PREPL: variants seen among roughly 807,000 people sequenced by gnomAD.
PREPL encodes the protein prolyl endopeptidase-like.
Under a neutral mutation model 70.6 loss-of-function variants are expected in PREPL, and 77 were observed. The ratio of observed to expected loss-of-function variants is 1.09; its 90% CI spans 0.91 to 1.32. The LOEUF (loss-of-function observed/expected upper bound fraction) is 1.32, where lower values mean the gene tolerates loss of function less well. Among genes scored for constraint, PREPL ranks in the 40% most tolerant of loss-of-function variants. The pLI is 0.00. For missense variants in PREPL, 1,002 were observed against 778.2 expected (o/e 1.29, Z -3.42); for synonymous variants, 315 against 264.8 (o/e 1.19, Z -1.84).
At chr2:44,323,546 G>A in intron 10 of PREPL, 135 bp from the exon 11 acceptor site, 1 of 637,320 alleles carries the variant, frequency 1.6e-6, no homozygotes, top group Non-Finnish European at 2.4e-6. Context: ...CTAGGAGCTA[G>A]AATACTCAGT....
chr2:44,357,703 T>C (rs1677196880), intron 1 of PREPL, among the ~76,000 whole-genome samples: 1 of 152,202 alleles, frequency 6.6e-6, no homozygotes, highest in Admixed American at 6.5e-5. Flanking sequence ...CTGATGGTAA[T>C]TCCTGTCTAC....
chr2:44,322,052 G>T (rs778925684), intron 12 of PREPL, 152 bp from the exon 13 acceptor site: 6 of 748,928 alleles, frequency 8.0e-6, no homozygotes, highest in Non-Finnish European at 1.3e-5. Flanking sequence ...AAAAAGATGG[G>T]AGGGGACAAG....
chr2:44,339,338 T>C lies in PREPL; in HGVS notation c.511A>G (p.Lys171Glu), dbSNP rs765953291. 3 of 1,613,866 alleles carry C rather than the reference T, an allele frequency of 1.9e-6. No individual in the cohort carries two copies. The highest frequency in any genetic ancestry group is 2.5e-6 in the Non-Finnish European group (3 of 1,179,960). ...TTTATGGTGAGGAAACGACTGTCTT[T>C]TGTAAGATAAAGGAAAACAAAGTAG... ...PSYFVFLYLT[K>E]DSRFLTINIM... Residue 171 changes from lysine to glutamate, a missense_variant, in exon 6 of 14, where the codon AAA (lysine) becomes GAA (glutamate). Lys to Glu is a moderately conservative substitution (Grantham distance 56, BLOSUM62 1). Coordinates refer to ENST00000409411, the MANE Select transcript of PREPL (RefSeq NM_001171613.2).
chr2:44,338,140 T>A (rs1330228142), intron 7 of PREPL, among the ~76,000 whole-genome samples: 3 of 152,166 alleles, frequency 2.0e-5, no homozygotes, highest in Non-Finnish European at 4.4e-5. Context: ...TAAGACACTA[T>A]CTTAAGTAAA....
intron 1 of PREPL, among the ~76,000 whole-genome samples, chr2:44,348,063 AT>A (rs1205353895): frequency 6.6e-6 from 1 of 151,886 alleles, no homozygotes; most frequent in East Asian, 1.9e-4. Context: ...AATTTTCTGA[AT>A]TTTTTTTAAG....
At position 44,333,750 on chromosome 2, in the gene PREPL, T is replaced by C. The variant is rs550982733; in HGVS notation, c.889-1094A>G. 5.9e-5 allele frequency among the ~76,000 whole-genome samples: 9 copies of C among 152,334 alleles called. No homozygotes were observed. The South Asian group carries it at 1.9e-3, about 32-fold the overall frequency. On this transcript the variant is annotated intron_variant, in intron 7 of 13. Transcript: ENST00000409411. ...AAAGGATAACTTGTCTATTTAAATT[T>C]AAGCCATAACTGGAGAGTAAAATGT...
intron 9 of PREPL, among the ~76,000 whole-genome samples, chr2:44,327,824 C>T (rs912047214): frequency 6.6e-5 from 10 of 151,978 alleles, no homozygotes; most frequent in Non-Finnish European, 1.3e-4. Flanking sequence ...GATTGCGCCA[C>T]TGCACTCTAG....
At chr2:44,332,316 C>T (rs1249793222) in intron 8 of PREPL, 143 bp downstream of exon 8, 1 of 660,388 alleles carries the variant, frequency 1.5e-6, no homozygotes, top group Admixed American at 3.3e-5. Context: ...ATTCACCTAT[C>T]CCTAAAGTCA....
In PREPL at chr2:44,343,893, G is replaced by A; in HGVS notation, c.201C>T (p.Pro67=). ...GAGCAACTCTGATACAATCAATGAA[G>A]GGCTGGTCTAACTTAAGTTCCTCCA... is the stretch of plus-strand genomic sequence containing the variant. The part of the protein sequence containing the change: ...FNLEELKLDQ[P]FIDCIRVAPD... Residue 67 remains proline, a synonymous_variant, in exon 4 of 14, where the codon CCC becomes CCT. Coordinates refer to ENST00000409411, the MANE Select transcript of PREPL (RefSeq NM_001171613.2). 1 of 1,614,022 alleles carries A rather than the reference G, an allele frequency of 6.2e-7. No individual in the cohort carries two copies. Among genetic ancestry groups the A allele is most frequent in the Non-Finnish European group, 8.5e-7 (1 of 1,179,940 alleles).
At chr2:44,346,061 G>C (rs549231952) in intron 2 of PREPL, among the ~76,000 whole-genome samples, 1 of 151,380 alleles carries the variant, frequency 6.6e-6, no homozygotes, top group South Asian at 2.1e-4. Flanking sequence ...TCTTACTTTC[G>C]ATCTTTACAT....
At chr2:44,342,759 G>C (rs1238379329) in intron 4 of PREPL, among the ~76,000 whole-genome samples, 1 of 152,022 alleles carries the variant, frequency 6.6e-6, no homozygotes, top group Admixed American at 6.6e-5. Flanking sequence ...ACCATTCCAA[G>C]GTTTCAAGTA....
At chr2:44,339,032 A>T (rs568698181) in intron 6 of PREPL, 115 bp downstream of exon 6, 404 of 1,477,756 alleles carry the variant, frequency 2.7e-4, no homozygotes, top group Non-Finnish European at 3.3e-4. Context: ...TTGGTTATAC[A>T]TAGGAAGGTG....
chr2:44,320,390 A>T lies in PREPL; in HGVS notation c.*966T>A. The T allele has an allele frequency of 6.2e-7, 1 of 1,614,088 alleles. No individual in the cohort carries two copies. The highest frequency in any genetic ancestry group is 1.1e-5 in the South Asian group (1 of 91,086). On this transcript the variant is annotated 3_prime_UTR_variant, in exon 14 of 14. Coordinates refer to ENST00000409411, the MANE Select transcript of PREPL (RefSeq NM_001171613.2). ...TGGTTCTGAATTTTGGAGAATCAACACTGTTAAATCTACATAATATGATTT... is the reference window on the plus strand; with the variant it reads ...TGGTTCTGAATTTTGGAGAATCAACTCTGTTAAATCTACATAATATGATTT...
At position 44,322,021 on chromosome 2, in the gene PREPL, G is replaced by C; in HGVS notation, c.1754-121C>G. On this transcript the variant is annotated intron_variant, in intron 12 of 13. Transcript: ENST00000409411. Reference sequence around the variant, plus strand: ...TCAAATAATAGTAAAGGAATAAAAAGCAAAAACCACCATCATCAACAAAAA... The same window carrying C: ...TCAAATAATAGTAAAGGAATAAAAACCAAAAACCACCATCATCAACAAAAA... 6.0e-6 allele frequency: 6 copies of C among 994,954 alleles called. No individual in the cohort carries two copies. In the South Asian group the frequency reaches 1.1e-4, roughly 19 times the overall value. 61.6% of individuals were successfully genotyped at this position (994,954 alleles called of 1,614,324 possible).
At chr2:44,332,732 C>A in intron 7 of PREPL, 76 bp from the exon 8 acceptor site, 1 of 1,206,142 alleles carries the variant, frequency 8.3e-7, no homozygotes, top group Non-Finnish European at 1.2e-6. Flanking sequence ...TAAGTCTTCT[C>A]CAAACAAGAT....
intron 1 of PREPL, among the ~76,000 whole-genome samples, chr2:44,361,031 A>G (rs994960865): frequency 1.3e-5 from 2 of 152,214 alleles, no homozygotes; most frequent in Admixed American, 6.5e-5. Flanking sequence ...ACACTAGTAA[A>G]AAAAGGGGAA....
In PREPL at chr2:44,326,700, G is replaced by A; in HGVS notation, c.1479+12C>T. ...CCCCATTCTATAAACAGTAGAGACA[G>A]AGCGTACTCACCTCCAAAGTCACCG... On this transcript the variant is annotated intron_variant, in intron 10 of 13. Coordinates refer to ENST00000409411, the MANE Select transcript of PREPL (RefSeq NM_001171613.2). 5 of 1,606,996 alleles carry A rather than the reference G, an allele frequency of 3.1e-6. No homozygotes were observed. The highest frequency in any genetic ancestry group is 1.3e-5 in the African/African-American group (1 of 74,816).
Position 44,332,642 on chromosome 2 carries a change from G to A in PREPL, c.903C>T (p.Ala301=). 1 of 1,611,742 alleles carries A rather than the reference G, an allele frequency of 6.2e-7. No individual in the cohort carries two copies. The part of the protein sequence containing the change: ...SVRSLKLPPW[A]CGFIMDTNSD... ...AATTTGTATCCATTATGAATCCACA[G>A]GCCCAAGGAGGGAGCTAAAGAAATA... Residue 301 remains alanine, a synonymous_variant, in exon 8 of 14, where the codon GCC becomes GCT. Transcript: ENST00000409411.
intron 7 of PREPL, among the ~76,000 whole-genome samples, chr2:44,334,579 T>A (rs1479753535): frequency 1.3e-5 from 2 of 152,198 alleles, no homozygotes; most frequent in African/African-American, 4.8e-5. Flanking sequence ...GGAGTCTTGC[T>A]CTTGCACCCA....
Sources: allele counts gnomAD v4.1 joint callset (sites outside exome capture counted in the v4.1 genomes callset), GRCh38; gene constraint gnomAD v4.1.1; transcripts MANE v1.5; gene names NCBI Gene and HGNC (gene_info 2026-07-23, HGNC 2026-07-21).